Variants in NAALADL2 observed in about 807,000 individuals in gnomAD.
NAALADL2 encodes N-acetylated alpha-linked acidic dipeptidase like 2, also known as inactive N-acetylated-alpha-linked acidic dipeptidase-like protein 2.
A neutral mutation model predicts 87.2 loss-of-function variants in NAALADL2; 76 were observed. The ratio of observed to expected loss-of-function variants is 0.87; its 90% confidence interval spans 0.72 to 1.05. NAALADL2 has a LOEUF of 1.05. Among genes scored for constraint, NAALADL2 ranks in the 50% least tolerant of loss-of-function variants. The pLI is 0.00. For synonymous variants in NAALADL2, 354 were observed against 331.0 expected, an observed-to-expected ratio of 1.07 and a Z score of -0.75; for missense variants, 1,089 against 945.8, an observed-to-expected ratio of 1.15 and a Z score of -1.99.
intron 2 of NAALADL2, among the ~76,000 whole-genome samples, chr3:175,181,743 A>G (rs1736561198): frequency 1.0e-5 from 1 of 98,216 alleles, no homozygotes; most frequent in Admixed American, 1.1e-4. Flanking sequence ...ATGTGTATAT[A>G]TGTATATATA....
chr3:175,421,982 G>A (rs1262462962), intron 5 of NAALADL2, among the ~76,000 whole-genome samples: 1 of 152,038 alleles, frequency 6.6e-6, no homozygotes, highest in Admixed American at 6.6e-5. Flanking sequence ...ATATCAAATA[G>A]GCTAGGAGAA....
chr3:175,408,722 T>C (rs1381411161), intron 5 of NAALADL2, among the ~76,000 whole-genome samples: 1 of 152,092 alleles, frequency 6.6e-6, no homozygotes, highest in Non-Finnish European at 1.5e-5. Context: ...ATCATCTCTT[T>C]AATGACCTTG....
chr3:174,559,894 C>T (rs1713373864), intron 2 of NAALADL2, among the ~76,000 whole-genome samples: 1 of 152,188 alleles, frequency 6.6e-6, no homozygotes, highest in South Asian at 2.1e-4. Context: ...ATTGCACTAC[C>T]TTGTAATGCA....
chr3:175,314,450 T>G (rs1470221282), intron 4 of NAALADL2, among the ~76,000 whole-genome samples: 8 of 150,168 alleles, frequency 5.3e-5, no homozygotes, highest in Non-Finnish European at 8.9e-5. Flanking sequence ...TAAACCTATT[T>G]TTAATTATGT....
chr3:174,919,223 T>C (rs776200694), intron 1 of NAALADL2, among the ~76,000 whole-genome samples: 1 of 152,100 alleles, frequency 6.6e-6, no homozygotes, highest in Non-Finnish European at 1.5e-5. Context: ...CTTAAAACAA[T>C]AAAGATTGCC....
In NAALADL2 at chr3:174,950,220, T is replaced by A. The variant is rs545903585; in HGVS notation, c.43+90770T>A. On this transcript the variant is annotated intron_variant, in intron 1 of 13. Transcript: ENST00000454872. The stretch of plus-strand genomic sequence containing the variant: ...TTGATGAAAGTGTAGAGTCCTTGGT[T>A]TTACCAAGGACTCTACAAACCTACT... Among the ~76,000 whole-genome samples the A allele has an allele frequency of 3.7e-4, 56 of 152,058 alleles. 2 individuals carry two copies. In the South Asian group the frequency reaches 6.7e-3, roughly 18 times the overall value.
chr3:174,983,616 G>A (rs1745427163), intron 1 of NAALADL2, among the ~76,000 whole-genome samples: 1 of 152,110 alleles, frequency 6.6e-6, no homozygotes, highest in Non-Finnish European at 1.5e-5. Context: ...TCACATGGTG[G>A]AAGGGGCAGG....
At chr3:175,035,048 G>T (rs148546117) in intron 1 of NAALADL2, among the ~76,000 whole-genome samples, 206 of 152,238 alleles carry the variant, frequency 1.4e-3, no homozygotes, top group African/African-American at 4.7e-3. Flanking sequence ...AAGTAATAAA[G>T]GTGGCCATAA....
intron 2 of NAALADL2, chr3:175,115,147 T>A (rs1301677690): frequency 6.6e-6 from 1 of 151,634 alleles, no homozygotes; most frequent in East Asian, 1.9e-4. Context: ...TTTTCAGAAA[T>A]AAATACATAT....
intron 9 of NAALADL2, among the ~76,000 whole-genome samples, chr3:175,493,098 C>T (rs911113802): frequency 1.2e-4 from 18 of 151,828 alleles, no homozygotes; most frequent in East Asian, 1.9e-4. Flanking sequence ...TTTATACATA[C>T]GTATACACAC....
At chr3:174,726,816 G>A (rs191476961) in intron 2 of NAALADL2, among the ~76,000 whole-genome samples, 8 of 152,052 alleles carry the variant, frequency 5.3e-5, no homozygotes, top group South Asian at 2.1e-4. Context: ...CTGTGTTCAC[G>A]CGTTTCCACT....
intron 4 of NAALADL2, among the ~76,000 whole-genome samples, chr3:175,322,913 T>C (rs1473841262): frequency 6.6e-6 from 1 of 151,522 alleles, no homozygotes; most frequent in Non-Finnish European, 1.5e-5. Flanking sequence ...GTTCAACCAT[T>C]GTGGAAGTCA....
At chr3:174,657,245 C>T (rs1048602686) in intron 2 of NAALADL2, among the ~76,000 whole-genome samples, 23 of 151,918 alleles carry the variant, frequency 1.5e-4, no homozygotes, top group African/African-American at 1.4e-4. Context: ...TGTTGCTGGT[C>T]TCGAACTCCT....
At chr3:175,596,811 A>G (rs1265575412) in intron 10 of NAALADL2, among the ~76,000 whole-genome samples, 2 of 151,894 alleles carry the variant, frequency 1.3e-5, no homozygotes, top group Admixed American at 1.3e-4. Context: ...CAGAACATTT[A>G]TTTTTACCGC....
At chr3:174,965,466 C>G in intron 1 of NAALADL2, among the ~76,000 whole-genome samples, 1 of 152,204 alleles carries the variant, frequency 6.6e-6, no homozygotes, top group East Asian at 1.9e-4. Flanking sequence ...AATCTGTTAA[C>G]TATTTTAAGC....
intron 5 of NAALADL2, among the ~76,000 whole-genome samples, chr3:175,356,416 C>T (rs1764369059): frequency 6.6e-6 from 1 of 151,614 alleles, no homozygotes; most frequent in Non-Finnish European, 1.5e-5. Context: ...TCTACAAAAA[C>T]TAAAAATAAA....
At chr3:175,280,793 T>A (rs73184721) in intron 4 of NAALADL2, among the ~76,000 whole-genome samples, 6,608 of 152,142 alleles carry the variant, frequency 0.043, 203 homozygotes, top group Non-Finnish European at 0.066. Flanking sequence ...TGAATAGATG[T>A]CTGTTCCCCT....
intron 3 of NAALADL2, among the ~76,000 whole-genome samples, chr3:174,806,400 G>A (rs1719497741): frequency 6.6e-6 from 1 of 152,294 alleles, no homozygotes; most frequent in East Asian, 1.9e-4. Context: ...GTCAATGGAT[G>A]TGGGAGACCC....
intron 9 of NAALADL2, among the ~76,000 whole-genome samples, chr3:175,486,046 G>T (rs1244880232): frequency 6.6e-6 from 1 of 152,070 alleles, no homozygotes; most frequent in Non-Finnish European, 1.5e-5. Context: ...ATACACATTG[G>T]TTGCTCAATC....
Sources: allele counts gnomAD v4.1 joint callset (sites outside exome capture counted in the v4.1 genomes callset), GRCh38; gene constraint gnomAD v4.1.1; transcripts MANE v1.5; gene names NCBI Gene and HGNC (gene_info 2026-07-23, HGNC 2026-07-21).